The following NR3C1 variants were observed in gnomAD, a reference collection of about 807,000 sequenced individuals.
NR3C1 encodes glucocorticoid receptor.
Under a neutral mutation model 74.0 loss-of-function variants are expected in NR3C1, and 14 were observed. The ratio of observed to expected loss-of-function variants is 0.19; its 90% confidence interval spans 0.12 to 0.30. The LOEUF is 0.30. Ranked by LOEUF, NR3C1 falls within the 10% of genes least tolerant of loss-of-function variation. The pLI is 1.00. For synonymous variants in NR3C1, 308 were observed against 332.5 expected (o/e 0.93, Z 0.80); for missense variants, 695 against 909.8 (o/e 0.76, Z 3.04).
chr5:143,434,994 T>C (rs1752043760), exon 1 of NR3C1: 1 of 985,292 alleles, frequency 1.0e-6, no homozygotes, highest in Non-Finnish European at 1.2e-6. Context: ...GTGACTCTCC[T>C]AATTATGGTG....
At chr5:143,319,110 G>T (rs573334434) in intron 2 of NR3C1, among the ~76,000 whole-genome samples, 1 of 152,280 alleles carries the variant, frequency 6.6e-6, no homozygotes, top group Admixed American at 6.5e-5. Context: ...TGTTGTTATG[G>T]AGACTAGTAA....
intron 2 of NR3C1, among the ~76,000 whole-genome samples, chr5:143,391,639 C>A (rs1388607782): frequency 2.0e-5 from 3 of 152,040 alleles, no homozygotes; most frequent in Non-Finnish European, 4.4e-5. Context: ...TACTTAATAT[C>A]CCTCAACAAA....
chr5:143,329,196 A>G (rs1825335031), intron 2 of NR3C1, among the ~76,000 whole-genome samples: 1 of 152,182 alleles, frequency 6.6e-6, no homozygotes, highest in Admixed American at 6.5e-5. Flanking sequence ...GAAGCAAGGA[A>G]AGTCTTACAT....
chr5:143,293,869 T>C, intron 7 of NR3C1: 1 of 977,024 alleles, frequency 1.0e-6, no homozygotes, highest in Non-Finnish European at 1.2e-6. Context: ...CCATTCTTTT[T>C]TTTTTTTTTT....
At chr5:143,303,022 T>A (rs1026041894) in intron 4 of NR3C1, among the ~76,000 whole-genome samples, 4 of 151,892 alleles carry the variant, frequency 2.6e-5, no homozygotes, top group Non-Finnish European at 5.9e-5. Flanking sequence ...TAAACAAGAT[T>A]GATAGACCAC....
intron 7 of NR3C1, 135 bp downstream of exon 7, chr5:143,295,325 A>G: frequency 7.1e-7 from 1 of 1,406,818 alleles, no homozygotes; most frequent in Non-Finnish European, 9.3e-7. Context: ...TTTTACATTC[A>G]TAAAAATCAT....
At chr5:143,289,663 T>G (rs1815392448) in intron 7 of NR3C1, among the ~76,000 whole-genome samples, 1 of 152,170 alleles carries the variant, frequency 6.6e-6, no homozygotes, top group Admixed American at 6.6e-5. Flanking sequence ...TGAGAATATT[T>G]GAACAATTCT....
At chr5:143,316,711 G>A (rs1822162391) in intron 2 of NR3C1, among the ~76,000 whole-genome samples, 1 of 152,136 alleles carries the variant, frequency 6.6e-6, no homozygotes, top group African/African-American at 2.4e-5. Flanking sequence ...TGTGTGTGTT[G>A]TGAAAATAAG....
intron 1 of NR3C1, among the ~76,000 whole-genome samples, chr5:143,424,129 G>A (rs1600683105): frequency 6.6e-6 from 1 of 151,784 alleles, no homozygotes; most frequent in Admixed American, 6.6e-5. Context: ...GAGTTAATGG[G>A]TGCAGCGCAC....
At chr5:143,301,490 A>T (rs1300256602) in intron 4 of NR3C1, among the ~76,000 whole-genome samples, 1 of 151,994 alleles carries the variant, frequency 6.6e-6, no homozygotes, top group Non-Finnish European at 1.5e-5. Context: ...TGATTACTCT[A>T]TAAACCTAAA....
At position 143,340,277 on chromosome 5, in the gene NR3C1, A is replaced by G. The variant is rs374561373; in HGVS notation, c.1185-26109T>C. Among the ~76,000 whole-genome samples, 37 of 152,196 alleles carry G rather than the reference A, an allele frequency of 2.4e-4. No homozygotes were observed. The East Asian group carries it at 6.0e-3, about 25-fold the overall frequency. ...GATTGGAAGACTCAATATAGACTCA[A>G]TCCCCAAATTGAAGTCTCTTATACC... On this transcript the variant is annotated intron_variant, in intron 2 of 8. Transcript: ENST00000394464.
intron 2 of NR3C1, among the ~76,000 whole-genome samples, chr5:143,320,444 A>C (rs10482663): frequency 1.1e-3 from 165 of 152,318 alleles, no homozygotes; most frequent in African/African-American, 3.8e-3. Context: ...CTATACATTA[A>C]TAGATCAAGA....
At position 143,311,847 on chromosome 5, in the gene NR3C1, T is replaced by C. The variant is rs145751188; in HGVS notation, c.1352-1634A>G. On this transcript the variant is annotated intron_variant, in intron 3 of 8. Transcript: ENST00000394464. ...GGTCTCGTTATGTTGCTCAGGCTGG[T>C]CTCAAACTCCAGGCCTCAAGCAATC... Among the ~76,000 whole-genome samples, 520 of 149,134 alleles carry C rather than the reference T, an allele frequency of 3.5e-3. 3 individuals carry two copies. Among genetic ancestry groups the C allele is most frequent in the Middle Eastern group, 0.028 (8 of 288 alleles).
rs138703689 is a variant in NR3C1, at chr5:143,362,525, T to C, written c.1184+37131A>G. On this transcript the variant is annotated intron_variant, in intron 2 of 8. Transcript: ENST00000394464. Reference sequence around the variant, plus strand: ...ACAGGCGCCCGCCACCACAGCCACCTATTTTTTCGTATTTTTTAGTAGAGA... The same window carrying C: ...ACAGGCGCCCGCCACCACAGCCACCCATTTTTTCGTATTTTTTAGTAGAGA... Among the ~76,000 whole-genome samples, 675 of 152,062 alleles carry C rather than the reference T, an allele frequency of 4.4e-3. 2 individuals are homozygous for C. The highest frequency in any genetic ancestry group is 0.015 in the African/African-American group (642 of 41,486).
At chr5:143,290,040 CATT>C (rs1339689392) in intron 7 of NR3C1, among the ~76,000 whole-genome samples, 7 of 152,082 alleles carry the variant, frequency 4.6e-5, no homozygotes, top group African/African-American at 1.7e-4. Context: ...AGTAAAATCT[CATT>C]ATTTTTACTA....
At chr5:143,420,309 G>C (rs567516259) in intron 1 of NR3C1, among the ~76,000 whole-genome samples, 1 of 152,306 alleles carries the variant, frequency 6.6e-6, no homozygotes, top group African/African-American at 2.4e-5. Context: ...CAAGGGTATT[G>C]ATTGGGGAAG....
Position 143,400,766 on chromosome 5 carries a change from T to C in NR3C1, c.74A>G (p.Asp25Gly), listed in dbSNP as rs1047437679. The change falls in exon 2 of 9, where the codon GAT becomes GGT. Residue 25 changes from aspartate to glycine, a missense_variant. Around this residue, in one of 4 missense-constraint regions of NR3C1, gnomAD observed 497 missense variants for 489.5 expected, o/e 1.02. Coordinates refer to ENST00000394464, the MANE Select transcript of NR3C1 (RefSeq NM_000176.3). ...TAGGGTTTTATAGAAGTCCATCACATCTCCCCTCTCCTGAGCAAGCACACT... is the reference window on the plus strand; with the variant it reads ...TAGGGTTTTATAGAAGTCCATCACACCTCCCCTCTCCTGAGCAAGCACACT... ...PSSVLAQERGDVMDFYKTLRG... is the reference protein window; with the variant it reads ...PSSVLAQERGGVMDFYKTLRG... 6.2e-7 allele frequency: 1 copy of C among 1,614,144 alleles called. No homozygotes were observed.
At chr5:143,421,306 C>T (rs1751219066) in intron 1 of NR3C1, among the ~76,000 whole-genome samples, 1 of 152,166 alleles carries the variant, frequency 6.6e-6, no homozygotes, top group South Asian at 2.1e-4. Context: ...TACTATCCTT[C>T]ATCCCTTATT....
chr5:143,316,579 G>A lies in NR3C1; in HGVS notation c.1185-2411C>T, dbSNP rs368480351. 3.9e-5 allele frequency among the ~76,000 whole-genome samples: 6 copies of A among 152,204 alleles called. No individual in the cohort carries two copies. In the South Asian group the frequency reaches 1.0e-3, roughly 26 times the overall value. ...GTGGTTCATCAGGGAGCCTATCTAC[G>A]GTGAAGCTGACATATTTTAGATCCC... On this transcript the variant is annotated intron_variant, in intron 2 of 8. Coordinates refer to ENST00000394464, the MANE Select transcript of NR3C1 (RefSeq NM_000176.3).
Sources: gnomAD v4.1 joint callset for allele counts (sites outside exome capture counted in the v4.1 genomes callset) on GRCh38, gnomAD v4.1.1 for gene constraint, gnomAD v4.1.1 regional missense constraint, MANE v1.5 for transcripts, NCBI Gene and HGNC (gene_info 2026-07-23, HGNC 2026-07-21) for gene names.